NFIB: variants seen among roughly 807,000 people sequenced by gnomAD.
The protein encoded by NFIB is nuclear factor I B.
A neutral mutation model predicts 61.5 loss-of-function variants in NFIB; 11 were observed. The observed-to-expected ratio is 0.18, with a 90% CI of 0.11 to 0.30. NFIB has a LOEUF of 0.30. Ranked by LOEUF, NFIB falls within the 10% of genes least tolerant of loss-of-function variation. The pLI is 1.00. For synonymous variants in NFIB, 260 were observed against 216.5 expected, an observed-to-expected ratio of 1.20 and a Z score of -1.76; for missense variants, 471 against 608.9, an observed-to-expected ratio of 0.77 and a Z score of 2.38.
At chr9:14,315,224 G>A (rs1347873654), upstream of NFIB, among the ~76,000 whole-genome samples, 1 of 151,484 alleles carries the variant, frequency 6.6e-6, no homozygotes, top group East Asian at 2.0e-4. Context: ...GTGCGGGTTC[G>A]TCCCGGGTCT....
chr9:14,328,262 G>A (rs2060778774), intron 1 of NFIB, among the ~76,000 whole-genome samples: 2 of 152,042 alleles, frequency 1.3e-5, no homozygotes, highest in African/African-American at 4.8e-5. Flanking sequence ...TCCCACCTCA[G>A]CCTCCTGAGT....
chr9:14,147,635 AC>A (rs1360699463), intron 5 of NFIB, among the ~76,000 whole-genome samples: 51 of 91,196 alleles, frequency 5.6e-4, no homozygotes, highest in Non-Finnish European at 8.9e-4. Context: ...TTAAAATGAT[AC>A]TTTTTTTTTT....
At chr9:14,513,930 CTAAA>C in the NFIB span, among the ~76,000 whole-genome samples, 1 of 152,128 alleles carries the variant, frequency 6.6e-6, no homozygotes, top group Non-Finnish European at 1.5e-5. Context: ...GTGACAGATA[CTAAA>C]TACTGAACAA....
the NFIB span, among the ~76,000 whole-genome samples, chr9:14,519,608 A>G: frequency 6.6e-6 from 1 of 152,098 alleles, no homozygotes; most frequent in East Asian, 1.9e-4. Context: ...ACTGTCAGGC[A>G]TTTTACTGCG....
At chr9:14,510,524 G>A in the NFIB span, among the ~76,000 whole-genome samples, 1 of 152,170 alleles carries the variant, frequency 6.6e-6, no homozygotes, top group Non-Finnish European at 1.5e-5. Flanking sequence ...TGTAATATCT[G>A]TAGCATTTTT....
chr9:14,395,284 AT>A (rs1309453653), intron 1 of NFIB, among the ~76,000 whole-genome samples: 1 of 150,112 alleles, frequency 6.7e-6, no homozygotes, highest in African/African-American at 2.5e-5. Context: ...CTAGTCAGAT[AT>A]TCATTAATAT....
chr9:14,432,873 G>C, the NFIB span, among the ~76,000 whole-genome samples: 1 of 152,206 alleles, frequency 6.6e-6, no homozygotes, highest in Non-Finnish European at 1.5e-5. Flanking sequence ...AAAGGGAGAA[G>C]AGATATTTAT....
intron 2 of NFIB, among the ~76,000 whole-genome samples, chr9:14,205,614 TC>T (rs2049601748): frequency 6.6e-6 from 1 of 152,130 alleles, no homozygotes; most frequent in Admixed American, 6.5e-5. Flanking sequence ...CCTGGTGTAC[TC>T]CTGTAATCAT....
At chr9:14,113,940 T>C (rs774316951) in intron 9 of NFIB, among the ~76,000 whole-genome samples, 4 of 152,178 alleles carry the variant, frequency 2.6e-5, no homozygotes, top group Admixed American at 6.5e-5. Flanking sequence ...CTAAAGACTT[T>C]TGTTACTTTT....
chr9:14,290,278 GA>G (rs1346347177), intron 2 of NFIB, among the ~76,000 whole-genome samples: 6 of 151,950 alleles, frequency 3.9e-5, no homozygotes, highest in African/African-American at 9.7e-5. Flanking sequence ...ATATACCTAG[GA>G]AACTGGAAAA....
chr9:14,269,210 T>C (rs1353117081), intron 2 of NFIB, among the ~76,000 whole-genome samples: 4 of 152,220 alleles, frequency 2.6e-5, no homozygotes, highest in African/African-American at 9.6e-5. Flanking sequence ...CATCTCATTC[T>C]CTACAGATTC....
chr9:14,132,785 G>A (rs2040552409), intron 6 of NFIB, among the ~76,000 whole-genome samples: 1 of 152,080 alleles, frequency 6.6e-6, no homozygotes, highest in Non-Finnish European at 1.5e-5. Context: ...AGGCTGGTCT[G>A]GAACTCCTAG....
chr9:14,453,342 C>T, the NFIB span, among the ~76,000 whole-genome samples: 1 of 152,152 alleles, frequency 6.6e-6, no homozygotes, highest in Non-Finnish European at 1.5e-5. Flanking sequence ...CCAACCCACT[C>T]CTAGATAGGG....
chr9:14,516,814 A>C, the NFIB span, among the ~76,000 whole-genome samples: 1 of 152,214 alleles, frequency 6.6e-6, no homozygotes, highest in Non-Finnish European at 1.5e-5. Flanking sequence ...TAATGAATGC[A>C]AATAATATTC....
the NFIB span, among the ~76,000 whole-genome samples, chr9:14,496,014 C>T: frequency 6.6e-6 from 1 of 152,114 alleles, no homozygotes; most frequent in Non-Finnish European, 1.5e-5. Flanking sequence ...TAAAAGCTAC[C>T]TCATAGGGCT....
At chr9:14,314,899 T>G (rs148601146), upstream of NFIB, among the ~76,000 whole-genome samples, 702 of 151,814 alleles carry the variant, frequency 4.6e-3, 3 homozygotes, top group African/African-American at 0.016. Context: ...CGGTGCTCGC[T>G]GCGGACTCTT....
chr9:14,226,780 G>C (rs992172624), intron 2 of NFIB, among the ~76,000 whole-genome samples: 1 of 151,760 alleles, frequency 6.6e-6, no homozygotes, highest in Non-Finnish European at 1.5e-5. Context: ...CACCTTTTTT[G>C]TTTGGATTCC....
chr9:14,428,374 T>C, the NFIB span, among the ~76,000 whole-genome samples: 1 of 152,094 alleles, frequency 6.6e-6, no homozygotes, highest in Admixed American at 6.6e-5. Flanking sequence ...TCTTTGAATC[T>C]CCTGGGGGAA....
At chr9:14,365,881 T>C (rs1305365475) in intron 1 of NFIB, among the ~76,000 whole-genome samples, 1 of 152,162 alleles carries the variant, frequency 6.6e-6, no homozygotes, top group Non-Finnish European at 1.5e-5. Flanking sequence ...TCCCAAACTG[T>C]ACATCTTTTC....
Sources: allele counts gnomAD v4.1 joint callset (sites outside exome capture counted in the v4.1 genomes callset), GRCh38; gene constraint gnomAD v4.1.1; transcripts MANE v1.5; gene names NCBI Gene and HGNC (gene_info 2026-07-23, HGNC 2026-07-21).